DMD: variants seen among roughly 807,000 people sequenced by gnomAD.
DMD encodes the protein mutant dystrophin.
In DMD, 63 loss-of-function variants were observed where a neutral mutation model predicts 330.1. That is an observed-to-expected ratio of 0.19 (90% CI 0.16 to 0.24). DMD has a LOEUF of 0.24. DMD is among the 10% of genes least tolerant of loss of function. The pLI is 1.00. For missense variants in DMD, 3,344 were observed against 2,684.1 expected (o/e 1.25, Z -5.43); for synonymous variants, 1,223 against 959.8 (o/e 1.27, Z -5.07).
intron 9 of DMD, among the ~76,000 whole-genome samples, chrX:32,665,439 G>A (rs2061239718): frequency 8.9e-6 from 1 of 112,187 alleles, no homozygotes; most frequent in Non-Finnish European, 1.9e-5. Flanking sequence ...CTGGTCTTCA[G>A]TAAATCCTCA....
intron 45 of DMD, among the ~76,000 whole-genome samples, chrX:31,959,766 G>A (rs891218875): frequency 2.8e-4 from 25 of 87,843 alleles, no homozygotes; most frequent in Non-Finnish European, 1.1e-4. Flanking sequence ...CAACAGCACC[G>A]TGGTTTTTTT....
At chrX:31,301,059 A>C in intron 62 of DMD, among the ~76,000 whole-genome samples, 1 of 112,115 alleles carries the variant, frequency 8.9e-6, no homozygotes. Context: ...GGGAGATTAA[A>C]TTGTTGGGGG....
chrX:32,312,941 C>CAAAAAAAAAAAAA (rs1171543953), intron 41 of DMD, among the ~76,000 whole-genome samples: 6 of 19,199 alleles, frequency 3.1e-4, no homozygotes, highest in Admixed American at 9.9e-4. Flanking sequence ...AGCCTACGAA[C>CAAAAAAAAAAAAA]CAAAAAAAAA....
intron 1 of DMD, among the ~76,000 whole-genome samples, chrX:33,161,936 C>T (rs1378967951): frequency 8.9e-6 from 1 of 111,928 alleles, no homozygotes; most frequent in Non-Finnish European, 1.9e-5. Context: ...TAGAAATGAG[C>T]TGTGGCACAG....
At chrX:32,249,175 G>A (rs1008318140) in intron 43 of DMD, among the ~76,000 whole-genome samples, 1 of 111,670 alleles carries the variant, frequency 9.0e-6, no homozygotes, top group Non-Finnish European at 1.9e-5. Flanking sequence ...TTTTGGTTAT[G>A]CATTAAATAA....
intron 71 of DMD, among the ~76,000 whole-genome samples, chrX:31,176,495 C>T (rs1292916989): frequency 1.8e-5 from 2 of 111,333 alleles, no homozygotes; most frequent in Non-Finnish European, 3.8e-5. Context: ...CTACTTTTAT[C>T]TATGTATTTG....
At chrX:31,948,164 T>C (rs1334055139) in intron 45 of DMD, among the ~76,000 whole-genome samples, 1 of 111,360 alleles carries the variant, frequency 9.0e-6, no homozygotes, top group Admixed American at 9.6e-5. Context: ...CATAATGCCT[T>C]CCAGGTTCAT....
At chrX:31,168,460 G>A (rs2039650553) in intron 74 of DMD, among the ~76,000 whole-genome samples, 1 of 111,326 alleles carries the variant, frequency 9.0e-6, no homozygotes, top group Admixed American at 9.6e-5. Context: ...TAGGTAAAAG[G>A]TGTTAAGAGC....
intron 57 of DMD, among the ~76,000 whole-genome samples, chrX:31,482,084 T>C (rs1222809067): frequency 9.0e-6 from 1 of 111,416 alleles, no homozygotes; most frequent in African/African-American, 3.3e-5. Flanking sequence ...TAGGGGTAAG[T>C]CTTTGGGCAA....
chrX:32,282,614 GAA>G (rs2097424597), intron 43 of DMD, among the ~76,000 whole-genome samples: 2 of 112,033 alleles, frequency 1.8e-5, no homozygotes, highest in African/African-American at 6.5e-5. Flanking sequence ...ACAATGTATG[GAA>G]GCAGGTATGT....
intron 1 of DMD, among the ~76,000 whole-genome samples, chrX:33,074,604 G>A (rs938722010): frequency 9.0e-6 from 1 of 110,646 alleles, no homozygotes; most frequent in Non-Finnish European, 1.9e-5. Context: ...TGAGTTAATG[G>A]ATTAATGCAT....
chrX:31,193,458 T>C (rs2042584601), intron 67 of DMD, among the ~76,000 whole-genome samples: 1 of 111,853 alleles, frequency 8.9e-6, no homozygotes, highest in Non-Finnish European at 1.9e-5. Flanking sequence ...GAAGCTCTTC[T>C]TTACATAAGA....
At chrX:32,485,847 G>A (rs771313248) in intron 20 of DMD, among the ~76,000 whole-genome samples, 4 of 101,966 alleles carry the variant, frequency 3.9e-5, no homozygotes, top group East Asian at 6.2e-4. Context: ...AGGTTCAAGC[G>A]ATTCTTCTGC....
chrX:31,568,676 G>A (rs993702032), intron 55 of DMD, among the ~76,000 whole-genome samples: 1 of 110,592 alleles, frequency 9.0e-6, no homozygotes, highest in Admixed American at 9.6e-5. Flanking sequence ...TCTTTTAGAC[G>A]GCATATTGTG....
chrX:32,647,882 GC>G (rs1241017952), intron 9 of DMD, among the ~76,000 whole-genome samples: 2 of 111,568 alleles, frequency 1.8e-5, no homozygotes, highest in Non-Finnish European at 3.8e-5. Context: ...TCGAAAATAC[GC>G]CCCCAAAAAT....
At chrX:32,435,800 T>C (rs1372689839) in intron 29 of DMD, among the ~76,000 whole-genome samples, 1 of 111,174 alleles carries the variant, frequency 9.0e-6, no homozygotes, top group East Asian at 2.9e-4. Flanking sequence ...CCAGAAGACT[T>C]TCAGCAACAC....
At chrX:31,316,857 T>C (rs746153195) in intron 62 of DMD, among the ~76,000 whole-genome samples, 3 of 111,940 alleles carry the variant, frequency 2.7e-5, no homozygotes, top group Non-Finnish European at 5.6e-5. Context: ...AAAAATTTAA[T>C]TACCCCGAAT....
chrX:32,615,104 G>T (rs1398219311), intron 11 of DMD, among the ~76,000 whole-genome samples: 1 of 110,905 alleles, frequency 9.0e-6, no homozygotes, highest in Non-Finnish European at 1.9e-5. Flanking sequence ...CAGCCCAAGG[G>T]GTGACCCCCA....
At chrX:32,862,123 T>C (rs1309854233) in intron 2 of DMD, among the ~76,000 whole-genome samples, 2 of 111,850 alleles carry the variant, frequency 1.8e-5, no homozygotes, top group Non-Finnish European at 3.8e-5. Flanking sequence ...TTGTAGAGAC[T>C]TCTCTCTACC....
Sources: allele counts gnomAD v4.1 joint callset (sites outside exome capture counted in the v4.1 genomes callset), GRCh38; gene constraint gnomAD v4.1.1; transcripts MANE v1.5; gene names NCBI Gene and HGNC (gene_info 2026-07-23, HGNC 2026-07-21).